Variants in CCDC85A observed in about 807,000 individuals in gnomAD.
CCDC85A encodes coiled-coil domain-containing protein 85A.
In CCDC85A, 38 loss-of-function variants were observed where a neutral mutation model predicts 50.2. The ratio of observed to expected loss-of-function variants is 0.76; its 90% CI spans 0.58 to 0.99. The LOEUF (loss-of-function observed/expected upper bound fraction) is 0.99, where lower values mean the gene tolerates loss of function less well. CCDC85A is among the 50% of genes least tolerant of loss of function. The pLI, the probability that CCDC85A is intolerant of heterozygous loss-of-function variation, is 0.00. For missense variants in CCDC85A, 820 were observed against 742.0 expected (o/e 1.11, Z -1.22); for synonymous variants, 366 against 301.4 (o/e 1.21, Z -2.22).
chr2:56,205,576 A>G (rs967233069), intron 2 of CCDC85A, among the ~76,000 whole-genome samples: 1 of 152,178 alleles, frequency 6.6e-6, no homozygotes, highest in African/African-American at 2.4e-5. Context: ...GATAAACAAC[A>G]TGGTAAAAGA....
intron 2 of CCDC85A, among the ~76,000 whole-genome samples, chr2:56,204,209 T>G (rs1338335241): frequency 2.6e-5 from 4 of 152,178 alleles, no homozygotes; most frequent in African/African-American, 9.6e-5. Flanking sequence ...AGAAGATCCT[T>G]TAAACACAGT....
intron 3 of CCDC85A, among the ~76,000 whole-genome samples, chr2:56,364,829 A>G (rs1260715482): frequency 1.3e-5 from 2 of 151,900 alleles, no homozygotes. Context: ...GCTATTTTCC[A>G]GTGTAGGCAA....
At position 56,197,286 on chromosome 2, in the gene CCDC85A, C is replaced by T. The variant is rs144384891; in HGVS notation, c.1240+3846C>T. Among the ~76,000 whole-genome samples, 697 of 152,168 alleles carry T rather than the reference C, an allele frequency of 4.6e-3. 5 individuals are homozygous for T. Among genetic ancestry groups the T allele is most frequent in the African/African-American group, 0.016 (650 of 41,476 alleles). On this transcript the variant is annotated intron_variant, in intron 2 of 5. Coordinates refer to ENST00000407595, the MANE Select transcript of CCDC85A (RefSeq NM_001080433.2). ...GCTGCCTTATGCATTTAAGGAGGTT[C>T]AGTAGCATCCCTGGGCTTTACCTCT...
intron 2 of CCDC85A, among the ~76,000 whole-genome samples, chr2:56,251,045 G>T (rs544910744): frequency 1.3e-5 from 2 of 151,900 alleles, no homozygotes; most frequent in African/African-American, 2.4e-5. Flanking sequence ...TACGTTTCTG[G>T]TCTGACACTT....
At chr2:56,228,777 C>A (rs1389561699) in intron 2 of CCDC85A, among the ~76,000 whole-genome samples, 1 of 152,170 alleles carries the variant, frequency 6.6e-6, no homozygotes, top group African/African-American at 2.4e-5. Context: ...TAGTGATCCG[C>A]CCGCCTCGGC....
intron 1 of CCDC85A, among the ~76,000 whole-genome samples, chr2:56,190,058 C>T (rs992238060): frequency 1.3e-5 from 2 of 152,216 alleles, no homozygotes; most frequent in African/African-American, 4.8e-5. Flanking sequence ...CACAAATTCA[C>T]TCCCATGACT....
At chr2:56,196,693 C>T (rs1558578965) in intron 2 of CCDC85A, among the ~76,000 whole-genome samples, 2 of 152,124 alleles carry the variant, frequency 1.3e-5, no homozygotes, top group African/African-American at 2.4e-5. Flanking sequence ...GCCTTCAAGA[C>T]AAAGAAGATT....
chr2:56,277,181 T>C (rs1670989980), intron 2 of CCDC85A, among the ~76,000 whole-genome samples: 1 of 152,192 alleles, frequency 6.6e-6, no homozygotes, highest in Non-Finnish European at 1.5e-5. Context: ...CCAACTTCCT[T>C]GATGGGAAGT....
intron 2 of CCDC85A, among the ~76,000 whole-genome samples, chr2:56,220,013 G>A (rs1465257272): frequency 6.6e-6 from 1 of 151,952 alleles, no homozygotes; most frequent in Non-Finnish European, 1.5e-5. Flanking sequence ...AAGAGGGAGA[G>A]CTTCACTAAG....
chr2:56,353,212 T>C (rs1675045060), intron 3 of CCDC85A, among the ~76,000 whole-genome samples: 1 of 152,210 alleles, frequency 6.6e-6, no homozygotes, highest in Non-Finnish European at 1.5e-5. Flanking sequence ...ACTCAGACCA[T>C]ATCAGATATA....
At chr2:56,233,821 C>T (rs1305641380) in intron 2 of CCDC85A, among the ~76,000 whole-genome samples, 1 of 152,162 alleles carries the variant, frequency 6.6e-6, no homozygotes, top group African/African-American at 2.4e-5. Flanking sequence ...TTGTATTTCT[C>T]TTCCCTTTCT....
At chr2:56,340,111 A>G (rs1046221164) in intron 2 of CCDC85A, among the ~76,000 whole-genome samples, 1 of 152,156 alleles carries the variant, frequency 6.6e-6, no homozygotes, top group Non-Finnish European at 1.5e-5. Context: ...TCTGCACACT[A>G]TTTTGGAAAA....
chr2:56,365,747 T>C lies in CCDC85A; in HGVS notation c.1318-6597T>C, dbSNP rs546032600. On this transcript the variant is annotated intron_variant, in intron 3 of 5. Coordinates refer to ENST00000407595, the MANE Select transcript of CCDC85A (RefSeq NM_001080433.2). ...TAATTAACATATACATCAGTTCGCATAGTTATCATTTTTGGGTGAGAACAC... is the reference window on the plus strand; with the variant it reads ...TAATTAACATATACATCAGTTCGCACAGTTATCATTTTTGGGTGAGAACAC... Among the ~76,000 whole-genome samples the C allele has an allele frequency of 2.6e-5, 4 of 152,348 alleles. No individual in the cohort carries two copies. In the South Asian group the frequency reaches 6.2e-4, roughly 24 times the overall value.
intron 2 of CCDC85A, among the ~76,000 whole-genome samples, chr2:56,255,638 G>A (rs754215741): frequency 6.6e-5 from 10 of 152,138 alleles, no homozygotes; most frequent in Non-Finnish European, 1.3e-4. Context: ...TAAAGAAGAT[G>A]GAGAATAAGA....
At chr2:56,277,048 ACTCTCTGAGGCCGCAG>A (rs1670981659) in intron 2 of CCDC85A, among the ~76,000 whole-genome samples, 1 of 151,884 alleles carries the variant, frequency 6.6e-6, no homozygotes, top group South Asian at 2.1e-4. Context: ...AGCTGCTGGG[ACTCTCTGAGGCCGCAG>A]AGTCCTCTCT....
chr2:56,323,486 G>A (rs2104269835), intron 2 of CCDC85A, among the ~76,000 whole-genome samples: 1 of 152,046 alleles, frequency 6.6e-6, no homozygotes, highest in East Asian at 2.0e-4. Flanking sequence ...CGAGTGAACA[G>A]AAGATAATGA....
intron 2 of CCDC85A, among the ~76,000 whole-genome samples, chr2:56,298,200 G>C (rs1316386876): frequency 6.6e-6 from 1 of 152,178 alleles, no homozygotes; most frequent in East Asian, 1.9e-4. Flanking sequence ...GAATAGCACT[G>C]GTTGAGAAAT....
At chr2:56,264,040 T>A (rs1670331167) in intron 2 of CCDC85A, among the ~76,000 whole-genome samples, 1 of 152,182 alleles carries the variant, frequency 6.6e-6, no homozygotes, top group African/African-American at 2.4e-5. Context: ...TCACAATGTC[T>A]TAAGGAAGTT....
intron 2 of CCDC85A, among the ~76,000 whole-genome samples, chr2:56,295,822 C>T (rs1414541081): frequency 6.6e-6 from 1 of 152,202 alleles, no homozygotes; most frequent in Non-Finnish European, 1.5e-5. Flanking sequence ...ATAACAGCTT[C>T]TGGCTTCAGG....
Sources: allele counts gnomAD v4.1 joint callset (sites outside exome capture counted in the v4.1 genomes callset), GRCh38; gene constraint gnomAD v4.1.1; transcripts MANE v1.5; gene names NCBI Gene and HGNC (gene_info 2026-07-23, HGNC 2026-07-21).